The following RBM17 variants were observed in gnomAD, a reference collection of about 807,000 sequenced individuals.
RBM17 encodes the protein splicing factor 45.
A neutral mutation model predicts 53.2 loss-of-function variants in RBM17; 7 were observed. The observed-to-expected ratio is 0.13, with a 90% CI of 0.07 to 0.25. RBM17 has a LOEUF of 0.25. RBM17 is among the 10% of genes least tolerant of loss of function. The pLI is 1.00. For missense variants in RBM17, 257 were observed against 496.7 expected (o/e 0.52, Z 4.59); for synonymous variants, 167 against 178.1 (o/e 0.94, Z 0.50).
At chr10:6,110,926 A>G (rs1588351171) in intron 7 of RBM17, among the ~76,000 whole-genome samples, 1 of 151,200 alleles carries the variant, frequency 6.6e-6, no homozygotes, top group Non-Finnish European at 1.5e-5. Flanking sequence ...TGTGTACTGG[A>G]GGGTTGGACA....
rs569607386 is a variant in RBM17 at position 6,090,646 on chromosome 10, C to G, written c.-19+1453C>G. Among the ~76,000 whole-genome samples the G allele has an allele frequency of 2.7e-3, 408 of 152,272 alleles. 2 individuals are homozygous for G. The highest frequency in any genetic ancestry group is 9.7e-3 in the African/African-American group (402 of 41,534). On this transcript the variant is annotated intron_variant, in intron 1 of 11. Coordinates refer to ENST00000379888, the MANE Select transcript of RBM17 (RefSeq NM_032905.5). The stretch of plus-strand genomic sequence containing the variant: ...CCTGCCTATGAATTTTTCAGACCTC[C>G]TCCCAGCAGGGAACAGATGATCCCA...
intron 2 of RBM17, among the ~76,000 whole-genome samples, chr10:6,098,908 A>G (rs759513342): frequency 1.3e-5 from 2 of 151,634 alleles, no homozygotes; most frequent in African/African-American, 2.4e-5. Context: ...TACCACATCA[A>G]TAGATACTTA....
At chr10:6,096,905 A>G in intron 1 of RBM17, 143 bp from the exon 2 acceptor site, 1 of 606,924 alleles carries the variant, frequency 1.6e-6, no homozygotes, top group Non-Finnish European at 2.9e-6. Context: ...GAATAGCCCT[A>G]CATTAATGGT....
In RBM17 at chr10:6,107,566, C is replaced by G. The variant is rs540615723; in HGVS notation, c.506-1120C>G. ...GCGCCATCTCGGCTCACTGCAACCTCCATCTCCTAGTTTCAAATGATTCTT... is the reference window on the plus strand; with the variant it reads ...GCGCCATCTCGGCTCACTGCAACCTGCATCTCCTAGTTTCAAATGATTCTT... On this transcript the variant is annotated intron_variant, in intron 5 of 11. Coordinates refer to ENST00000379888, the MANE Select transcript of RBM17 (RefSeq NM_032905.5). Among the ~76,000 whole-genome samples the G allele has an allele frequency of 1.1e-4, 15 of 141,892 alleles. No individual in the cohort carries two copies. The South Asian group carries it at 1.4e-3, about 13-fold the overall frequency. The allele number at this position is 141,892 out of a possible 152,430, so 93.1% of individuals were successfully genotyped here. A position where few individuals can be genotyped will look rare whatever the true frequency, so the allele number is the denominator to read the frequency against.
chr10:6,089,142 C>G lies in RBM17; in HGVS notation c.-70C>G, dbSNP rs932922305. 9.6e-5 allele frequency: 15 copies of G among 155,492 alleles called. No individual in the cohort carries two copies. The highest frequency in any genetic ancestry group is 2.0e-4 in the Admixed American group (3 of 15,340). 9.6% of individuals were successfully genotyped at this position (155,492 alleles called of 1,614,324 possible). On this transcript the variant is annotated 5_prime_UTR_variant, in exon 1 of 12. Transcript: ENST00000379888. The surrounding 1 kb of genome is among the most constrained non-coding windows in gnomAD (Gnocchi z 5.6). ...CGGGTTTCCGCGGAGTGCCGCCCGG[C>G]TCCGCTCTGCCGCCGGCGCGGCTCA...
intron 5 of RBM17, among the ~76,000 whole-genome samples, chr10:6,108,071 A>G (rs1840781752): frequency 6.6e-6 from 1 of 152,152 alleles, no homozygotes. Context: ...GAAATACACC[A>G]GGAATAGTGA....
chr10:6,101,630 A>G (rs1387636989), intron 3 of RBM17, among the ~76,000 whole-genome samples: 1 of 152,242 alleles, frequency 6.6e-6, no homozygotes, highest in African/African-American at 2.4e-5. Context: ...AATTACCTTC[A>G]GTCATACAAT....
rs1228889796 is a variant in RBM17 at position 6,093,492 on chromosome 10, T to G, written c.-18-3556T>G. ...CCTCGGTCTCCCAAAGTGCTGGGAT[T>G]ACAGGCATGAGCCACCGCAGCCGGC... is the stretch of plus-strand genomic sequence containing the variant. On this transcript the variant is annotated intron_variant, in intron 1 of 11. Transcript: ENST00000379888. 2.6e-5 allele frequency among the ~76,000 whole-genome samples: 4 copies of G among 152,336 alleles called. No homozygotes were observed. The South Asian group carries it at 8.3e-4, about 32-fold the overall frequency.
chr10:6,092,288 A>G (rs920074481), intron 1 of RBM17, among the ~76,000 whole-genome samples: 3 of 152,178 alleles, frequency 2.0e-5, no homozygotes, highest in Non-Finnish European at 4.4e-5. Context: ...AATAATGTCA[A>G]CGTTAATTAG....
rs747903090 is a variant in RBM17 at position 6,115,414 on chromosome 10, T to C, written c.1103-39T>C. 41 of 1,539,334 alleles carry C rather than the reference T, an allele frequency of 2.7e-5. 1 individual carries two copies. The Admixed American group carries it at 5.0e-4, about 19-fold the overall frequency. ...TAATTAAAGTTAAACCTTTATCTTATAGGATACCTGTATTAACTGTCTTTT... is the reference window on the plus strand; with the variant it reads ...TAATTAAAGTTAAACCTTTATCTTACAGGATACCTGTATTAACTGTCTTTT... On this transcript the variant is annotated intron_variant, in intron 11 of 11. Coordinates refer to ENST00000379888, the MANE Select transcript of RBM17 (RefSeq NM_032905.5).
rs749287122 is a variant in RBM17, at chr10:6,106,246, A to G, written c.505+8A>G. ...GAGAGAGGAGGAAAAGAAGTAAGGC[A>G]TGAACAAATATGTCTTAAACATATA... On this transcript the variant is annotated splice_region_variant and intron_variant, in intron 5 of 11. Coordinates refer to ENST00000379888, the MANE Select transcript of RBM17 (RefSeq NM_032905.5). 1.2e-5 allele frequency: 18 copies of G among 1,546,510 alleles called. No homozygotes were observed. Among genetic ancestry groups the G allele is most frequent in the Middle Eastern group, 3.4e-4 (2 of 5,944 alleles).
chr10:6,097,202 C>A lies in RBM17; in HGVS notation c.123+14C>A, dbSNP rs767481556. The A allele has an allele frequency of 1.9e-6, 3 of 1,613,058 alleles. No homozygotes were observed. In the South Asian group the frequency reaches 3.3e-5, roughly 18 times the overall value. On this transcript the variant is annotated intron_variant, in intron 2 of 11. Transcript: ENST00000379888. ...ACTCAGGCAAAGGTAAAGACAAGCC[C>A]AGAGCATGAGAGCAGAGGCCTCCAG...
intron 2 of RBM17, among the ~76,000 whole-genome samples, chr10:6,099,586 C>T (rs1006892862): frequency 6.6e-6 from 1 of 152,126 alleles, no homozygotes; most frequent in African/African-American, 2.4e-5. Context: ...GGATTGCTTG[C>T]AATACCTAAC....
chr10:6,091,872 G>C (rs2132935866), intron 1 of RBM17, among the ~76,000 whole-genome samples: 1 of 141,522 alleles, frequency 7.1e-6, no homozygotes, highest in East Asian at 2.3e-4. Context: ...AGTTTTATGT[G>C]GGGGCAATAG....
chr10:6,116,480 A>G lies in RBM17; in HGVS notation c.*924A>G, dbSNP rs1484965888. 2 of 152,398 alleles carry G rather than the reference A, an allele frequency of 1.3e-5. No individual in the cohort carries two copies. The highest frequency in any genetic ancestry group is 4.8e-5 in the African/African-American group (2 of 41,472). The allele number at this position is 152,398 out of a possible 1,614,324, so 9.4% of individuals were successfully genotyped here. Reference sequence around the variant, plus strand: ...TTCTGGAATTGTGAGAAATTGTATCATTGAAGTTCAGTAGGATGTGTGGCT... The same window carrying G: ...TTCTGGAATTGTGAGAAATTGTATCGTTGAAGTTCAGTAGGATGTGTGGCT... On this transcript the variant is annotated 3_prime_UTR_variant, in exon 12 of 12. Coordinates refer to ENST00000379888, the MANE Select transcript of RBM17 (RefSeq NM_032905.5).
At chr10:6,108,850 C>G (rs113124096) in intron 6 of RBM17, 108 bp downstream of exon 6, 302 of 741,156 alleles carry the variant, frequency 4.1e-4, no homozygotes, top group Non-Finnish European at 6.4e-4. Flanking sequence ...GGGAAACGGC[C>G]TGCAAGCCTG....
At chr10:6,093,116 A>G (rs2132936894) in intron 1 of RBM17, among the ~76,000 whole-genome samples, 1 of 152,366 alleles carries the variant, frequency 6.6e-6, no homozygotes, top group South Asian at 2.1e-4. Flanking sequence ...AACTCTTTTC[A>G]TCAGAGTTGA....
chr10:6,105,989 A>G, intron 4 of RBM17, 152 bp from the exon 5 acceptor site: 1 of 559,344 alleles, frequency 1.8e-6, no homozygotes, highest in Non-Finnish European at 3.3e-6. Flanking sequence ...TTAGTCTTTT[A>G]CCAGTTATGC....
rs544941028 is a variant in RBM17, at chr10:6,098,208, G to A, written c.123+1020G>A. On this transcript the variant is annotated intron_variant, in intron 2 of 11. Coordinates refer to ENST00000379888, the MANE Select transcript of RBM17 (RefSeq NM_032905.5). ...GAGGCTATATCCCCCCAAACAGAGC[G>A]AATATTGGTCTTTTTGGGGGTGAAA... 1.8e-4 allele frequency among the ~76,000 whole-genome samples: 27 copies of A among 152,250 alleles called. No homozygotes were observed. The East Asian group carries it at 3.5e-3, about 20-fold the overall frequency.
Sources: gnomAD v4.1 joint callset for allele counts (sites outside exome capture counted in the v4.1 genomes callset) on GRCh38, gnomAD v4.1.1 for gene constraint, Gnocchi (gnomAD v3.1) non-coding constraint, MANE v1.5 for transcripts, NCBI Gene and HGNC (gene_info 2026-07-23, HGNC 2026-07-21) for gene names.